Variants in MTNAP1 observed in about 807,000 individuals in gnomAD.
The protein encoded by MTNAP1 is mitochondrial nucleoid associated protein 1, also known as mitochondrial nucleoid-associated protein 1.
the MTNAP1 span, chr17:73,248,363 T>G: frequency 8.4e-6 from 7 of 836,602 alleles, no homozygotes; most frequent in Admixed American, 4.6e-5. Flanking sequence ...AGAACGTCTC[T>G]AACATGATTT....
At chr17:73,235,585 A>G in the MTNAP1 span, 3 of 1,614,162 alleles carry the variant, frequency 1.9e-6, no homozygotes, top group South Asian at 1.1e-5. Context: ...AGGACCAACC[A>G]TACCTACTGA....
the MTNAP1 span, chr17:73,235,560 A>G: frequency 6.2e-7 from 1 of 1,614,136 alleles, no homozygotes; most frequent in Non-Finnish European, 8.5e-7. Context: ...CCCACTTGCC[A>G]TACTGTAAGA....
the MTNAP1 span, among the ~76,000 whole-genome samples, chr17:73,241,067 C>T: frequency 2.0e-5 from 3 of 152,088 alleles, no homozygotes; most frequent in African/African-American, 7.2e-5. Context: ...TGAACCAAAC[C>T]AAGACTAGAG....
the MTNAP1 span, among the ~76,000 whole-genome samples, chr17:73,239,315 C>T: frequency 2.3e-4 from 35 of 152,278 alleles, no homozygotes; most frequent in Non-Finnish European, 3.8e-4. Context: ...TGTGTATTTT[C>T]TGTACTACAT....
chr17:73,236,593 T>C, the MTNAP1 span: 3 of 1,614,186 alleles, frequency 1.9e-6, no homozygotes, highest in Non-Finnish European at 2.5e-6. Context: ...TGTATCGCAG[T>C]CAAGTAGTCA....
chr17:73,236,426 A>G, the MTNAP1 span: 1 of 1,614,176 alleles, frequency 6.2e-7, no homozygotes, highest in South Asian at 1.1e-5. Flanking sequence ...AATGCAGAGA[A>G]AAGTATGTCT....
the MTNAP1 span, chr17:73,245,048 C>A: frequency 1.1e-6 from 1 of 896,986 alleles, no homozygotes; most frequent in South Asian, 1.6e-5. Flanking sequence ...TCTCATTGTG[C>A]TTAATACTCT....
the MTNAP1 span, chr17:73,235,936 C>G: frequency 6.2e-7 from 1 of 1,614,202 alleles, no homozygotes; most frequent in South Asian, 1.1e-5. Context: ...TAAAAGAGAA[C>G]TTGCCAAAGA....
the MTNAP1 span, chr17:73,248,470 GC>G: frequency 6.4e-7 from 1 of 1,550,664 alleles, no homozygotes; most frequent in South Asian, 1.2e-5. Context: ...GCATTGGAGT[GC>G]CCCGCTAGGT....
chr17:73,238,228 TAA>T, the MTNAP1 span, among the ~76,000 whole-genome samples: 6 of 151,830 alleles, frequency 4.0e-5, no homozygotes, highest in Admixed American at 3.3e-4. Flanking sequence ...TTAAAATACA[TAA>T]AGTTTCTTAA....
At chr17:73,235,417 T>C in the MTNAP1 span, 1 of 1,370,264 alleles carries the variant, frequency 7.3e-7, no homozygotes, top group Non-Finnish European at 9.9e-7. Flanking sequence ...AACACATAAG[T>C]AAAATATTGG....
the MTNAP1 span, among the ~76,000 whole-genome samples, chr17:73,238,950 T>A: frequency 1.3e-5 from 2 of 151,348 alleles, no homozygotes; most frequent in Admixed American, 6.6e-5. Flanking sequence ...GTTTTTTTGT[T>A]TGTTTGTTTT....
At chr17:73,242,053 G>A in the MTNAP1 span, among the ~76,000 whole-genome samples, 3 of 152,148 alleles carry the variant, frequency 2.0e-5, no homozygotes, top group Non-Finnish European at 2.9e-5. Flanking sequence ...TTGGCCTTTT[G>A]AAAAACATTT....
the MTNAP1 span, among the ~76,000 whole-genome samples, chr17:73,241,958 T>G: frequency 5.9e-5 from 9 of 152,046 alleles, no homozygotes; most frequent in African/African-American, 2.2e-4. Flanking sequence ...GAGACTCACT[T>G]CATGAAGCAC....
the MTNAP1 span, chr17:73,248,871 AT>A: frequency 3.8e-6 from 1 of 264,606 alleles, no homozygotes; most frequent in Admixed American, 5.2e-5. Flanking sequence ...AAATCATTTT[AT>A]TATCAGCAGA....
At chr17:73,232,667 T>G in the MTNAP1 span, 5 of 211,918 alleles carry the variant, frequency 2.4e-5, no homozygotes, top group Non-Finnish European at 3.7e-5. Context: ...CCTGGGGGGC[T>G]TCCCTGGGGG....
the MTNAP1 span, chr17:73,235,404 TACAAC>T: frequency 7.8e-7 from 1 of 1,277,350 alleles, no homozygotes; most frequent in Non-Finnish European, 1.1e-6. Flanking sequence ...ATTTAAAAGA[TACAAC>T]ACATAAGTAA....
chr17:73,234,887 A>G, the MTNAP1 span, among the ~76,000 whole-genome samples: 6 of 150,880 alleles, frequency 4.0e-5, no homozygotes, highest in East Asian at 3.9e-4. Context: ...TGCATATTCT[A>G]TTTATCACTT....
At chr17:73,233,592 G>A in the MTNAP1 span, among the ~76,000 whole-genome samples, 1 of 152,210 alleles carries the variant, frequency 6.6e-6, no homozygotes, top group Non-Finnish European at 1.5e-5. Flanking sequence ...GGCTGGGCGC[G>A]GTGGCTCACG....
Sources: allele counts gnomAD v4.1 joint callset (sites outside exome capture counted in the v4.1 genomes callset), GRCh38; gene constraint gnomAD v4.1.1; transcripts MANE v1.5; gene names NCBI Gene and HGNC (gene_info 2026-07-23, HGNC 2026-07-21).